Variants in KDF1 observed in about 807,000 individuals in gnomAD.
The protein encoded by KDF1 is keratinocyte differentiation factor 1.
Under a neutral mutation model 31.6 loss-of-function variants are expected in KDF1, and 11 were observed. The ratio of observed to expected loss-of-function variants is 0.35; its 90% CI spans 0.22 to 0.58. KDF1 has a LOEUF of 0.58. KDF1 is among the 20% of genes least tolerant of loss of function. The probability of loss-of-function intolerance (pLI) is 0.83; values close to 1 mark genes in which losing one functional copy is unlikely to be tolerated. For missense variants in KDF1, 476 were observed against 549.1 expected, an observed-to-expected ratio of 0.87 and a Z score of 1.33; for synonymous variants, 205 against 214.4, an observed-to-expected ratio of 0.96 and a Z score of 0.38.
Position 26,950,360 on chromosome 1 carries a change from G to T in KDF1, c.1115-209C>A, listed in dbSNP as rs2082341836. On this transcript the variant is annotated intron_variant, in intron 3 of 3. Transcript: ENST00000320567. This position sits in a 1 kb window ranked among gnomAD's most constrained non-coding sequence, Gnocchi z 4.0. The stretch of plus-strand genomic sequence containing the variant: ...AAGGATAATGATTCCACTCCCAGGG[G>T]GTTGTTGTCAAGGGCAAGAAGACCG... 4.6e-5 allele frequency among the ~76,000 whole-genome samples: 7 copies of T among 152,168 alleles called. No homozygotes were observed. The South Asian group carries it at 1.4e-3, about 31-fold the overall frequency.
chr1:26,954,961 T>C (rs113970467), intron 1 of KDF1, among the ~76,000 whole-genome samples: 6,365 of 150,360 alleles, frequency 0.042, 423 homozygotes, highest in African/African-American at 0.15. Flanking sequence ...CAGGTTCAAG[T>C]GATTCTCTTG....
Position 26,951,883 on chromosome 1 carries a change from G to A in KDF1, c.498C>T (p.Leu166=), listed in dbSNP as rs2082351508. ...GSSFSYPDVK[L]KGIPVYPYPR... is the part of the protein sequence containing the mutation. ...GGTAGGGATACACAGGGATGCCTTT[G>A]AGCTTAACATCGGGGTAGCTGAAGC... The change falls in exon 2 of 4, where the codon CTC becomes CTT. Residue 166 remains leucine (L), a synonymous_variant. Coordinates refer to ENST00000320567, the MANE Select transcript of KDF1 (RefSeq NM_152365.3). This position sits in a 1 kb window ranked among gnomAD's most constrained non-coding sequence, Gnocchi z 5.4. 6.2e-7 allele frequency: 1 copy of A among 1,611,960 alleles called. No individual in the cohort carries two copies. Among genetic ancestry groups the A allele is most frequent in the African/African-American group, 1.3e-5 (1 of 74,998 alleles).
rs1311714026 is a variant in KDF1 at position 26,949,978 on chromosome 1, A to G, written c.*91T>C. 1.1e-5 allele frequency: 15 copies of G among 1,360,400 alleles called. No homozygotes were observed. The highest frequency in any genetic ancestry group is 1.6e-5 in the Non-Finnish European group (15 of 966,874). The allele number at this position is 1,360,400 out of a possible 1,614,324, so 84.3% of individuals were successfully genotyped here. ...CCAGAGTGGGCACTGCTTCAGGTCTAAGCCTCTCCCACAGGGGTTCCTGGT... is the reference window on the plus strand; with the variant it reads ...CCAGAGTGGGCACTGCTTCAGGTCTGAGCCTCTCCCACAGGGGTTCCTGGT... On this transcript the variant is annotated 3_prime_UTR_variant, in exon 4 of 4. Transcript: ENST00000320567.
At position 26,955,117 on chromosome 1, in the gene KDF1, C is replaced by A. The variant is rs2082372193; in HGVS notation, c.-32-2705G>T. 2.0e-5 allele frequency among the ~76,000 whole-genome samples: 3 copies of A among 152,088 alleles called. No individual in the cohort carries two copies. In the South Asian group the frequency reaches 6.2e-4, roughly 31 times the overall value. ...AGGTGATCTGCCCACCTCAACCTCC[C>A]AAAGTGCTGGGATTACAGGCATGAG... On this transcript the variant is annotated intron_variant, in intron 1 of 3. Coordinates refer to ENST00000320567, the MANE Select transcript of KDF1 (RefSeq NM_152365.3).
At position 26,952,198 on chromosome 1, in the gene KDF1, G is replaced by T; in HGVS notation, c.183C>A (p.Ile61=). ...GHHGPESITF[I]SGSAEPALES... is the part of the protein sequence containing the mutation. ...CAAGGGCCGGCTCAGCAGAGCCAGAGATGAAGGTAATGCTCTCTGGCCCAT... is the reference window on the plus strand; with the variant it reads ...CAAGGGCCGGCTCAGCAGAGCCAGATATGAAGGTAATGCTCTCTGGCCCAT... Residue 61 remains isoleucine, a synonymous_variant, in exon 2 of 4, where the codon ATC becomes ATA. Coordinates refer to ENST00000320567, the MANE Select transcript of KDF1 (RefSeq NM_152365.3). This position sits in a 1 kb window ranked among gnomAD's most constrained non-coding sequence, Gnocchi z 4.1. 6.2e-7 allele frequency: 1 copy of T among 1,613,074 alleles called. No homozygotes were observed. Among genetic ancestry groups the T allele is most frequent in the Middle Eastern group, 1.7e-4 (1 of 6,052 alleles).
rs2082343250 is a variant in KDF1, at chr1:26,950,563, TC to T, written c.1114+118del. ...GGAGACAGGTCTGTGGCTGCTTAGG[TC>T]CCCGTCCCTTTTTGATGTCATCCTC... On this transcript the variant is annotated intron_variant, in intron 3 of 3. Coordinates refer to ENST00000320567, the MANE Select transcript of KDF1 (RefSeq NM_152365.3). This position sits in a 1 kb window ranked among gnomAD's most constrained non-coding sequence, Gnocchi z 4.0. 6.0e-6 allele frequency: 5 copies of T among 837,750 alleles called. No homozygotes were observed. In the East Asian group the frequency reaches 9.8e-5, roughly 16 times the overall value. The allele number at this position is 837,750 out of a possible 1,614,324, so 51.9% of individuals were successfully genotyped here.
intron 1 of KDF1, among the ~76,000 whole-genome samples, chr1:26,956,920 TTTTA>T (rs925291090): frequency 6.6e-6 from 1 of 151,960 alleles, no homozygotes; most frequent in African/African-American, 2.4e-5. Context: ...GATACAGTTC[TTTTA>T]TTTATTTTAT....
At chr1:26,953,974 CA>C (rs138005865) in intron 1 of KDF1, among the ~76,000 whole-genome samples, 27,554 of 147,518 alleles carry the variant, frequency 0.19, 3,358 homozygotes, top group Middle Eastern at 0.3. Flanking sequence ...AAAAAAAAGA[CA>C]AATATTGTAA....
chr1:26,949,881 AAGG>A lies in KDF1; in HGVS notation c.*185_*187del, dbSNP rs1489713256. On this transcript the variant is annotated 3_prime_UTR_variant, in exon 4 of 4. Transcript: ENST00000320567. ...CAGGGATCAGACCAGCTGGGGATGC[AAGG>A]AGATGTAGATCCCATGGCCCAGTGA... 6 of 562,224 alleles carry A rather than the reference AAGG, an allele frequency of 1.1e-5. No individual in the cohort carries two copies. Among genetic ancestry groups the A allele is most frequent in the East Asian group, 3.2e-5 (1 of 31,588 alleles). The allele number at this position is 562,224 out of a possible 1,614,324, so 34.8% of individuals were successfully genotyped here. A position where few individuals can be genotyped will look rare whatever the true frequency, so the allele number is the denominator to read the frequency against.
At position 26,951,312 on chromosome 1, in the gene KDF1, G is replaced by T. The variant is rs1383988937; in HGVS notation, c.1039+30C>A. The T allele has an allele frequency of 2.0e-6, 3 of 1,502,758 alleles. No individual in the cohort carries two copies. Among genetic ancestry groups the T allele is most frequent in the South Asian group, 2.6e-5 (2 of 76,466 alleles). 93.1% of individuals were successfully genotyped at this position (1,502,758 alleles called of 1,614,324 possible). A position where few individuals can be genotyped will look rare whatever the true frequency, so the allele number is the denominator to read the frequency against. On this transcript the variant is annotated intron_variant, in intron 2 of 3. Transcript: ENST00000320567. The surrounding 1 kb of genome is among the most constrained non-coding windows in gnomAD (Gnocchi z 5.4). The stretch of plus-strand genomic sequence containing the variant: ...CCCTGGCCAGAGCCTCCCCTACTCT[G>T]CCCCTCAGCCCCATGGGGCCCCCAC...
In KDF1 at chr1:26,952,589, T is replaced by TGCCTGGGATGTGGATGG. The variant is rs1346687803; in HGVS notation, c.-32-178_-32-177insCCATCCACATCCCAGGC. On this transcript the variant is annotated intron_variant, in intron 1 of 3. Transcript: ENST00000320567. This position sits in a 1 kb window ranked among gnomAD's most constrained non-coding sequence, Gnocchi z 4.1. ...GGACCCAAGTATGCCCAAAAACCCTTATCTCTTGTGGCCCTCCCTCCACAA... is the reference window on the plus strand; with the variant it reads ...GGACCCAAGTATGCCCAAAAACCCTTGCCTGGGATGTGGATGGATCTCTTGTGGCCCTCCCTCCACAA... Among the ~76,000 whole-genome samples the TGCCTGGGATGTGGATGG allele has an allele frequency of 6.6e-6, 1 of 152,056 alleles. No homozygotes were observed. Among genetic ancestry groups the TGCCTGGGATGTGGATGG allele is most frequent in the African/African-American group, 2.4e-5 (1 of 41,392 alleles).
chr1:26,950,882 T>C lies in KDF1; in HGVS notation c.1040-126A>G. 2.5e-6 allele frequency: 2 copies of C among 805,226 alleles called. No individual in the cohort carries two copies. The highest frequency in any genetic ancestry group is 4.1e-6 in the Non-Finnish European group (2 of 484,646). 49.9% of individuals were successfully genotyped at this position (805,226 alleles called of 1,614,324 possible). On this transcript the variant is annotated intron_variant, in intron 2 of 3. Coordinates refer to ENST00000320567, the MANE Select transcript of KDF1 (RefSeq NM_152365.3). This position sits in a 1 kb window ranked among gnomAD's most constrained non-coding sequence, Gnocchi z 4.0. ...CTGGGCAGGGCTAGAAAAATAATGC[T>C]TAAAGACAGAGACATAGACAACGTG...
At position 26,949,977 on chromosome 1, in the gene KDF1, TA is replaced by T; in HGVS notation, c.*91del. 7.4e-7 allele frequency: 1 copy of T among 1,353,774 alleles called. No individual in the cohort carries two copies. 83.9% of individuals were successfully genotyped at this position (1,353,774 alleles called of 1,614,324 possible). ...GCCAGAGTGGGCACTGCTTCAGGTC[TA>T]AGCCTCTCCCACAGGGGTTCCTGGT... On this transcript the variant is annotated 3_prime_UTR_variant, in exon 4 of 4. Coordinates refer to ENST00000320567, the MANE Select transcript of KDF1 (RefSeq NM_152365.3).
chr1:26,951,474 G>A lies in KDF1; in HGVS notation c.907C>T (p.Arg303Cys). Residue 303 changes from arginine to cysteine, a missense_variant, in exon 2 of 4, where the codon CGC (arginine) becomes TGC (cysteine). Physicochemically the swap from Arg to Cys is radical, Grantham distance 180 (BLOSUM62 -3). This residue lies in a region of KDF1 where 146 missense variants were observed against 216.8 expected (regional missense o/e 0.67). Transcript: ENST00000320567. The surrounding 1 kb of genome is among the most constrained non-coding windows in gnomAD (Gnocchi z 5.4). ...GCACGGCTCTTTCGGGTACTAATGC[G>A]AATGATGCCGCGTACCAGGCGGCCC... ...AEGRLVRGII[R>C]ISTRKSRARP... 1.2e-6 allele frequency: 2 copies of A among 1,613,848 alleles called. No individual in the cohort carries two copies. The highest frequency in any genetic ancestry group is 1.7e-6 in the Non-Finnish European group (2 of 1,179,840).
intron 1 of KDF1, among the ~76,000 whole-genome samples, chr1:26,957,595 G>C (rs982229112): frequency 6.6e-6 from 1 of 152,146 alleles, no homozygotes; most frequent in Non-Finnish European, 1.5e-5. Context: ...ACGTTGACCA[G>C]AGTATGGATG....
chr1:26,954,116 G>A (rs1202613656), intron 1 of KDF1, among the ~76,000 whole-genome samples: 1 of 152,038 alleles, frequency 6.6e-6, no homozygotes, highest in Non-Finnish European at 1.5e-5. Flanking sequence ...TTCAGCTGGG[G>A]TAGATGAAAA....
intron 1 of KDF1, among the ~76,000 whole-genome samples, chr1:26,953,266 G>A (rs1255961385): frequency 1.3e-5 from 2 of 152,144 alleles, no homozygotes; most frequent in African/African-American, 4.8e-5. Flanking sequence ...AGAAAATAAT[G>A]AGTGTTGGCA....
Position 26,950,775 on chromosome 1 carries a change from G to GT in KDF1, c.1040-20_1040-19insA. The GT allele has an allele frequency of 6.2e-7, 1 of 1,609,196 alleles. No individual in the cohort carries two copies. Among genetic ancestry groups the GT allele is most frequent in the Non-Finnish European group, 8.5e-7 (1 of 1,175,508 alleles). ...GTCAGCTCTAGGGAGGGAACGTGAG[G>GT]CAAGCAGTGGTCATTAGCACGTTCT... On this transcript the variant is annotated intron_variant, in intron 2 of 3. Transcript: ENST00000320567. The surrounding 1 kb of genome is among the most constrained non-coding windows in gnomAD (Gnocchi z 4.0).
Position 26,951,007 on chromosome 1 carries a change from G to C in KDF1, c.1040-251C>G, listed in dbSNP as rs1160006226. On this transcript the variant is annotated intron_variant, in intron 2 of 3. Coordinates refer to ENST00000320567, the MANE Select transcript of KDF1 (RefSeq NM_152365.3). The surrounding 1 kb of genome is among the most constrained non-coding windows in gnomAD (Gnocchi z 5.4). ...TCCCTAGGTCCTGTTCACCAGACCAGGCCTAGAAGCTACTCTGGCAGGAGA... is the reference window on the plus strand; with the variant it reads ...TCCCTAGGTCCTGTTCACCAGACCACGCCTAGAAGCTACTCTGGCAGGAGA... Among the ~76,000 whole-genome samples the C allele has an allele frequency of 6.6e-6, 1 of 152,194 alleles. No individual in the cohort carries two copies. Among genetic ancestry groups the C allele is most frequent in the Non-Finnish European group, 1.5e-5 (1 of 68,030 alleles).
Sources: gnomAD v4.1 joint callset for allele counts (sites outside exome capture counted in the v4.1 genomes callset) on GRCh38, gnomAD v4.1.1 for gene constraint, gnomAD v4.1.1 regional missense constraint, Gnocchi (gnomAD v3.1) non-coding constraint, MANE v1.5 for transcripts, NCBI Gene and HGNC (gene_info 2026-07-23, HGNC 2026-07-21) for gene names.